The following GABRA3 variants were observed in gnomAD, a reference collection of about 807,000 sequenced individuals.
GABRA3 encodes the protein gamma-aminobutyric acid receptor subunit alpha-3.
In GABRA3, 10 loss-of-function variants were observed where a neutral mutation model predicts 30.1. That is an observed-to-expected ratio of 0.33 (90% CI 0.20 to 0.56). The LOEUF (loss-of-function observed/expected upper bound fraction) is 0.56. Ranked by LOEUF, GABRA3 falls within the 20% of genes least tolerant of loss-of-function variation. The pLI is 0.89. For synonymous variants in GABRA3, 151 were observed against 146.8 expected (o/e 1.03, Z -0.21); for missense variants, 233 against 392.0 (o/e 0.59, Z 3.42).
intron 9 of GABRA3, among the ~76,000 whole-genome samples, chrX:152,183,201 T>C (rs2124340304): frequency 9.1e-6 from 1 of 110,456 alleles, no homozygotes; most frequent in Admixed American, 9.8e-5. Context: ...GGCTTTTCTT[T>C]GATGGGAGAC....
intron 1 of GABRA3, among the ~76,000 whole-genome samples, chrX:152,397,957 C>A (rs1199757919): frequency 8.9e-6 from 1 of 111,957 alleles, no homozygotes; most frequent in Non-Finnish European, 1.9e-5. Flanking sequence ...TGGGCTATCA[C>A]AATTGACACC....
chrX:152,399,696 T>C (rs1442240734), intron 1 of GABRA3, among the ~76,000 whole-genome samples: 2 of 111,951 alleles, frequency 1.8e-5, no homozygotes, highest in Non-Finnish European at 3.8e-5. Context: ...TAGAGAGAGC[T>C]TTCTGATTGC....
At chrX:152,234,234 CA>C (rs1048953882) in intron 5 of GABRA3, among the ~76,000 whole-genome samples, 5 of 109,528 alleles carry the variant, frequency 4.6e-5, no homozygotes, top group East Asian at 2.9e-4. Flanking sequence ...TTTTTCCCCT[CA>C]AAAAAAATAA....
At chrX:152,280,493 T>G (rs1169088198) in intron 4 of GABRA3, among the ~76,000 whole-genome samples, 1 of 111,388 alleles carries the variant, frequency 9.0e-6, no homozygotes, top group Non-Finnish European at 1.9e-5. Flanking sequence ...CCCTGTGCTA[T>G]TCTCCTTTTA....
chrX:152,239,097 T>G (rs1447390421), intron 5 of GABRA3, among the ~76,000 whole-genome samples: 9 of 102,566 alleles, frequency 8.8e-5, no homozygotes, highest in African/African-American at 3.2e-4. Flanking sequence ...GGGTGTCAAT[T>G]TTGGATCTTT....
intron 3 of GABRA3, among the ~76,000 whole-genome samples, chrX:152,320,590 G>A (rs1939947776): frequency 9.0e-6 from 1 of 111,193 alleles, no homozygotes; most frequent in Non-Finnish European, 1.9e-5. Flanking sequence ...GGAAGGGAGT[G>A]AGGAATAAAA....
chrX:152,300,447 T>C (rs1309688888), intron 3 of GABRA3, among the ~76,000 whole-genome samples: 2 of 111,731 alleles, frequency 1.8e-5, no homozygotes, highest in Non-Finnish European at 3.8e-5. Flanking sequence ...GCCCAGAATC[T>C]ACACAGCAAA....
chrX:152,317,259 A>G (rs1234584584), intron 3 of GABRA3, among the ~76,000 whole-genome samples: 3 of 111,948 alleles, frequency 2.7e-5, no homozygotes, highest in Non-Finnish European at 5.6e-5. Context: ...CTTGTCCAAG[A>G]GTAAAATGTC....
intron 1 of GABRA3, chrX:152,394,509 CA>C (rs745832680): frequency 7.8e-6 from 3 of 386,808 alleles, no homozygotes; most frequent in Non-Finnish European, 1.6e-5. Context: ...AGATCTGCAA[CA>C]TGAGCTGATA....
chrX:152,240,722 C>G (rs934471648), intron 5 of GABRA3, among the ~76,000 whole-genome samples: 11 of 100,527 alleles, frequency 1.1e-4, no homozygotes, highest in African/African-American at 4.0e-4. Flanking sequence ...CTAAACTTCC[C>G]TTCTCGCTTC....
chrX:152,336,866 T>A (rs1437282112), intron 3 of GABRA3, among the ~76,000 whole-genome samples: 2 of 111,158 alleles, frequency 1.8e-5, no homozygotes, highest in Admixed American at 9.7e-5. Context: ...TTTAAACAGC[T>A]TCAAGAGGAA....
intron 5 of GABRA3, among the ~76,000 whole-genome samples, chrX:152,244,433 C>G (rs1938430095): frequency 8.9e-6 from 1 of 111,779 alleles, no homozygotes; most frequent in Admixed American, 9.5e-5. Flanking sequence ...TAAAAGTGAC[C>G]TAAAGGAAAA....
chrX:152,231,419 G>C (rs968212753), intron 5 of GABRA3, among the ~76,000 whole-genome samples: 2 of 109,801 alleles, frequency 1.8e-5, no homozygotes, highest in African/African-American at 6.6e-5. Flanking sequence ...AAAGATGTTC[G>C]ACATTAGTCA....
At chrX:152,178,879 T>G (rs1039675564) in intron 9 of GABRA3, among the ~76,000 whole-genome samples, 1 of 112,025 alleles carries the variant, frequency 8.9e-6, no homozygotes, top group Non-Finnish European at 1.9e-5. Context: ...AATAGTTATT[T>G]CTATACTTTT....
chrX:152,310,823 T>C (rs758221932), intron 3 of GABRA3, among the ~76,000 whole-genome samples: 1 of 110,888 alleles, frequency 9.0e-6, no homozygotes, highest in Non-Finnish European at 1.9e-5. Context: ...ATTATACTAA[T>C]AAAGAAAGAA....
At position 152,231,329 on chromosome X, in the gene GABRA3, G is replaced by A. The variant is rs905980189; in HGVS notation, c.552-6484C>T. ...TGTGTGTACACGTGTGTGTGTACAC[G>A]TGTGTGTATACACGTGTGTATATAC... On this transcript the variant is annotated intron_variant, in intron 5 of 9. Transcript: ENST00000370314. Among the ~76,000 whole-genome samples, 24 of 108,508 alleles carry A rather than the reference G, an allele frequency of 2.2e-4. No homozygotes were observed. In the Admixed American group the frequency reaches 2.4e-3, roughly 11 times the overall value. The allele number at this position is 108,508 out of a possible 115,157, so 94.2% of individuals were successfully genotyped here. A position where few individuals can be genotyped will look rare whatever the true frequency, so the allele number is the denominator to read the frequency against.
intron 3 of GABRA3, among the ~76,000 whole-genome samples, chrX:152,315,356 C>CT (rs1939858571): frequency 9.0e-6 from 1 of 111,072 alleles, no homozygotes; most frequent in African/African-American, 3.3e-5. Flanking sequence ...TGTGGGCTCT[C>CT]TGAGTCCTCA....
chrX:152,389,950 A>G (rs1429130860), intron 1 of GABRA3, among the ~76,000 whole-genome samples: 1 of 111,530 alleles, frequency 9.0e-6, no homozygotes, highest in Non-Finnish European at 1.9e-5. Flanking sequence ...GCAGAGAGAC[A>G]TCGTTTAGAG....
At chrX:152,425,239 A>G (rs1450843786) in intron 1 of GABRA3, among the ~76,000 whole-genome samples, 2 of 109,939 alleles carry the variant, frequency 1.8e-5, no homozygotes, top group Admixed American at 9.8e-5. Flanking sequence ...CCTGGCTTGT[A>G]TTTTTCTAAA....
Sources: allele counts gnomAD v4.1 joint callset (sites outside exome capture counted in the v4.1 genomes callset), GRCh38; gene constraint gnomAD v4.1.1; transcripts MANE v1.5; gene names NCBI Gene and HGNC (gene_info 2026-07-23, HGNC 2026-07-21).